The following TMTC2 variants were observed in gnomAD, a reference collection of about 807,000 sequenced individuals.
The protein encoded by TMTC2 is protein O-mannosyl-transferase TMTC2.
TMTC2 carries 43 observed loss-of-function variants against 82.4 expected under a neutral mutation model. The ratio of observed to expected loss-of-function variants is 0.52; its 90% CI spans 0.41 to 0.67. TMTC2 has a LOEUF of 0.67. Ranked by LOEUF, TMTC2 falls within the 30% of genes least tolerant of loss-of-function variation. The pLI is 0.00. For synonymous variants in TMTC2, 408 were observed against 381.9 expected (o/e 1.07, Z -0.80); for missense variants, 919 against 1,012.4 (o/e 0.91, Z 1.25).
At chr12:82,933,708 A>C (rs1198597654) in intron 4 of TMTC2, among the ~76,000 whole-genome samples, 2 of 152,236 alleles carry the variant, frequency 1.3e-5, no homozygotes, top group Non-Finnish European at 2.9e-5. Flanking sequence ...CATGCATTTT[A>C]GAAGCTTTAG....
chr12:82,895,596 T>C (rs976677152), intron 2 of TMTC2, among the ~76,000 whole-genome samples: 1 of 152,068 alleles, frequency 6.6e-6, no homozygotes, highest in Non-Finnish European at 1.5e-5. Context: ...GAAAAGATAA[T>C]CAAAAAATAT....
chr12:83,074,231 T>G (rs1245318549), intron 11 of TMTC2, among the ~76,000 whole-genome samples: 1 of 152,028 alleles, frequency 6.6e-6, no homozygotes, highest in Non-Finnish European at 1.5e-5. Flanking sequence ...CAAACTGCAG[T>G]GATTGTTGTC....
chr12:82,808,514 T>G (rs1270367186), intron 1 of TMTC2, among the ~76,000 whole-genome samples: 1 of 152,122 alleles, frequency 6.6e-6, no homozygotes, highest in African/African-American at 2.4e-5. Flanking sequence ...ATATGGAAAC[T>G]GAGCTGAAAC....
intron 11 of TMTC2, among the ~76,000 whole-genome samples, chr12:83,107,297 G>C (rs1884440033): frequency 6.6e-6 from 1 of 152,098 alleles, no homozygotes; most frequent in Non-Finnish European, 1.5e-5. Flanking sequence ...CCACAACCTG[G>C]GTAATTTATA....
At chr12:82,781,988 A>C (rs1877934322) in intron 1 of TMTC2, among the ~76,000 whole-genome samples, 1 of 152,062 alleles carries the variant, frequency 6.6e-6, no homozygotes, top group African/African-American at 2.4e-5. Flanking sequence ...GGTGGTCCTA[A>C]GCTAAACTGG....
chr12:83,002,467 T>C (rs1879971297), intron 8 of TMTC2, among the ~76,000 whole-genome samples: 1 of 152,210 alleles, frequency 6.6e-6, no homozygotes, highest in South Asian at 2.1e-4. Context: ...GGTTGGTTTC[T>C]TCCTTCTTTT....
intron 7 of TMTC2, among the ~76,000 whole-genome samples, chr12:82,967,212 T>A (rs537820724): frequency 2.6e-5 from 4 of 152,256 alleles, no homozygotes; most frequent in Admixed American, 2.6e-4. Flanking sequence ...ACCTTGGTCA[T>A]ATCCCAGAAT....
At chr12:82,808,620 C>T (rs1221505336) in intron 1 of TMTC2, among the ~76,000 whole-genome samples, 2 of 152,006 alleles carry the variant, frequency 1.3e-5, no homozygotes, top group Non-Finnish European at 2.9e-5. Context: ...CGTTATATGC[C>T]AGGAGGCCCT....
At chr12:82,859,319 G>A (rs1469023603) in intron 2 of TMTC2, among the ~76,000 whole-genome samples, 1 of 152,080 alleles carries the variant, frequency 6.6e-6, no homozygotes, top group Non-Finnish European at 1.5e-5. Flanking sequence ...GCCCGCCTTG[G>A]CCTCCCAAAG....
intron 1 of TMTC2, among the ~76,000 whole-genome samples, chr12:82,823,070 C>A (rs191957520): frequency 6.6e-6 from 1 of 152,282 alleles, no homozygotes; most frequent in Admixed American, 6.5e-5. Flanking sequence ...CTTCAGGATT[C>A]TTTGATGGGA....
chr12:83,055,091 AC>A (rs1342976878), intron 10 of TMTC2, among the ~76,000 whole-genome samples: 1 of 151,854 alleles, frequency 6.6e-6, no homozygotes, highest in African/African-American at 2.4e-5. Flanking sequence ...TGCCACCATC[AC>A]CCACAAGGAA....
At chr12:82,938,333 C>T (rs901746498) in intron 4 of TMTC2, among the ~76,000 whole-genome samples, 1 of 152,054 alleles carries the variant, frequency 6.6e-6, no homozygotes, top group Non-Finnish European at 1.5e-5. Context: ...GGTGAGACTA[C>T]TTGACGTAGA....
intron 4 of TMTC2, among the ~76,000 whole-genome samples, chr12:82,955,787 T>C (rs960890375): frequency 1.3e-5 from 2 of 152,166 alleles, no homozygotes; most frequent in African/African-American, 4.8e-5. Context: ...TTTCATTGTC[T>C]GTTGTTCTAA....
At chr12:82,945,037 C>A (rs575198394) in intron 4 of TMTC2, among the ~76,000 whole-genome samples, 113 of 152,226 alleles carry the variant, frequency 7.4e-4, no homozygotes, top group African/African-American at 2.7e-3. Flanking sequence ...GCTTTCAAAT[C>A]AAATTGAATC....
chr12:83,077,667 C>T (rs1174796264), intron 11 of TMTC2, among the ~76,000 whole-genome samples: 1 of 151,894 alleles, frequency 6.6e-6, no homozygotes, highest in Admixed American at 6.6e-5. Context: ...CTCTGCCTCC[C>T]GAGTTCAAGC....
At chr12:83,106,632 T>C (rs1236607737) in intron 11 of TMTC2, among the ~76,000 whole-genome samples, 1 of 151,874 alleles carries the variant, frequency 6.6e-6, no homozygotes, top group Non-Finnish European at 1.5e-5. Flanking sequence ...ACAAAGATGA[T>C]AACCTAAAAC....
At chr12:83,026,972 A>G (rs1386973136) in intron 8 of TMTC2, among the ~76,000 whole-genome samples, 3 of 152,164 alleles carry the variant, frequency 2.0e-5, no homozygotes, top group East Asian at 3.9e-4. Context: ...TTACATTTAT[A>G]TGTTTTATTG....
In TMTC2 at chr12:83,015,242, T is replaced by C. The variant is rs548188639; in HGVS notation, c.2071-15556T>C. ...CCCCAATGTGTACACGAATACCATT[T>C]TGAGAAGCTGAGCAGGTCAACATAT... is the stretch of plus-strand genomic sequence containing the variant. On this transcript the variant is annotated intron_variant, in intron 8 of 11. Transcript: ENST00000321196. Among the ~76,000 whole-genome samples the C allele has an allele frequency of 2.0e-5, 3 of 152,338 alleles. No individual in the cohort carries two copies. The South Asian group carries it at 6.2e-4, about 32-fold the overall frequency.
rs1885358863 is a variant in TMTC2, at chr12:83,134,147, T to C, written c.*1758T>C. The C allele has an allele frequency of 6.6e-6, 1 of 152,646 alleles. No individual in the cohort carries two copies. Among genetic ancestry groups the C allele is most frequent in the African/African-American group, 2.4e-5 (1 of 41,462 alleles). 9.5% of individuals were successfully genotyped at this position (152,646 alleles called of 1,614,324 possible). ...GCCCTTCTGTAATATATATATTATT[T>C]TGTAAACATTTCACTGAAGGGCCAA... On this transcript the variant is annotated 3_prime_UTR_variant, in exon 12 of 12. Transcript: ENST00000321196.
Sources: allele counts gnomAD v4.1 joint callset (sites outside exome capture counted in the v4.1 genomes callset), GRCh38; gene constraint gnomAD v4.1.1; transcripts MANE v1.5; gene names NCBI Gene and HGNC (gene_info 2026-07-23, HGNC 2026-07-21).